Variants in ATG9A observed in about 807,000 individuals in gnomAD.
ATG9A encodes autophagy related 9A.
Under a neutral mutation model 87.1 loss-of-function variants are expected in ATG9A, and 21 were observed. The observed-to-expected ratio is 0.24, with a 90% CI of 0.17 to 0.35. ATG9A has a LOEUF of 0.35. Among genes scored for constraint, ATG9A ranks in the 10% least tolerant of loss-of-function variants. The pLI is 1.00. For missense variants in ATG9A, 836 were observed against 1,107.3 expected, an observed-to-expected ratio of 0.76 and a Z score of 3.48; for synonymous variants, 422 against 441.3, an observed-to-expected ratio of 0.96 and a Z score of 0.55.
chr2:219,228,519 G>C (rs1950917603), intron 1 of ATG9A, 34 bp from the exon 2 acceptor site: 1 of 153,808 alleles, frequency 6.5e-6, no homozygotes, highest in African/African-American at 2.4e-5. Flanking sequence ...CAGAGAGTGG[G>C]CAGTGGGGAT....
Position 219,220,808 on chromosome 2 carries a change from C to T in ATG9A, c.2453G>A (p.Arg818Lys). The T allele has an allele frequency of 6.2e-7, 1 of 1,613,460 alleles. No individual in the cohort carries two copies. The highest frequency in any genetic ancestry group is 8.5e-7 in the Non-Finnish European group (1 of 1,179,998). The change falls in exon 15 of 16, where the codon AGG becomes AAG. Residue 818 changes from arginine to lysine, a missense_variant. Arg to Lys is a conservative substitution (Grantham distance 26). Coordinates refer to ENST00000361242, the MANE Select transcript of ATG9A (RefSeq NM_001077198.3). ...GWAEDGQSAS[R>K]HPEPVPEEGS... ...CTCTTCGGGCACGGGCTCAGGGTGC[C>T]TTGATGCCGACTGCCCATCTTCTGC...
rs905311439 is a variant in ATG9A, at chr2:219,223,367, CG to C, written c.1599+217del. Among the ~76,000 whole-genome samples, 1 of 152,106 alleles carries C rather than the reference CG, an allele frequency of 6.6e-6. No homozygotes were observed. The highest frequency in any genetic ancestry group is 2.4e-5 in the African/African-American group (1 of 41,414). On this transcript the variant is annotated intron_variant, in intron 10 of 15. Coordinates refer to ENST00000361242, the MANE Select transcript of ATG9A (RefSeq NM_001077198.3). The surrounding 1 kb of genome is among the most constrained non-coding windows in gnomAD (Gnocchi z 4.7). ...CCTCCCAAAGTGCTGGGATTACAGA[CG>C]TGAGCCACCGCGCCTGGCCGTGTTG...
rs781330512 is a variant in ATG9A at position 219,222,459 on chromosome 2, G to GA, written c.1849-10dup. The GA allele has an allele frequency of 7.7e-6, 12 of 1,549,522 alleles. No individual in the cohort carries two copies. The highest frequency in any genetic ancestry group is 1.0e-5 in the Non-Finnish European group (12 of 1,149,722). Reference sequence around the variant, plus strand: ...GCGATAAGGCTCAGGGGCTATGAACGAAACGGGTAGGTAGAATTCTTGAGG... The same window carrying GA: ...GCGATAAGGCTCAGGGGCTATGAACGAAAACGGGTAGGTAGAATTCTTGAGG... On this transcript the variant is annotated splice_polypyrimidine_tract_variant and intron_variant, in intron 11 of 15. Transcript: ENST00000361242. The surrounding 1 kb of genome is among the most constrained non-coding windows in gnomAD (Gnocchi z 4.3).
rs1950801906 is a variant in ATG9A, at chr2:219,223,341, G to A, written c.1599+244C>T. Among the ~76,000 whole-genome samples the A allele has an allele frequency of 6.6e-6, 1 of 152,002 alleles. No individual in the cohort carries two copies. Among genetic ancestry groups the A allele is most frequent in the Non-Finnish European group, 1.5e-5 (1 of 67,986 alleles). ...CTGACCTCGTGATCCACCCGCCTTGGCCTCCCAAAGTGCTGGGATTACAGA... is the reference window on the plus strand; with the variant it reads ...CTGACCTCGTGATCCACCCGCCTTGACCTCCCAAAGTGCTGGGATTACAGA... On this transcript the variant is annotated intron_variant, in intron 10 of 15. Coordinates refer to ENST00000361242, the MANE Select transcript of ATG9A (RefSeq NM_001077198.3). This position sits in a 1 kb window ranked among gnomAD's most constrained non-coding sequence, Gnocchi z 4.7.
rs1038954414 is a variant in ATG9A, at chr2:219,224,658, C to A, written c.713G>T (p.Gly238Val). ...LPLRFRLPGLGEAVFFTRGLK... is the reference protein window; with the variant it reads ...LPLRFRLPGLVEAVFFTRGLK... ...ACCACGGGTGAAGAAGACAGCTTCCCCGAGGCCAGGCAGGCGGAAGCGCAG... is the reference window on the plus strand; with the variant it reads ...ACCACGGGTGAAGAAGACAGCTTCCACGAGGCCAGGCAGGCGGAAGCGCAG... The change falls in exon 8 of 16, where the codon GGG (glycine) becomes GTG (valine). Residue 238 changes from glycine (G) to valine (V), a missense_variant. Physicochemically the swap from Gly to Val is moderately radical, Grantham distance 109 (BLOSUM62 -3). Around this residue, in one of 2 missense-constraint regions of ATG9A, gnomAD observed 512 missense variants for 759.6 expected, o/e 0.67. Coordinates refer to ENST00000361242, the MANE Select transcript of ATG9A (RefSeq NM_001077198.3). This position sits in a 1 kb window ranked among gnomAD's most constrained non-coding sequence, Gnocchi z 7.7. The A allele has an allele frequency of 1.9e-6, 3 of 1,614,180 alleles. No homozygotes were observed. Among genetic ancestry groups the A allele is most frequent in the Non-Finnish European group, 2.5e-6 (3 of 1,180,044 alleles).
rs1950753059 is a variant in ATG9A, at chr2:219,221,239, C to T, written c.2209G>A (p.Glu737Lys). 2 of 1,583,140 alleles carry T rather than the reference C, an allele frequency of 1.3e-6. No homozygotes were observed. The highest frequency in any genetic ancestry group is 1.2e-5 in the South Asian group (1 of 86,048). ...TCATCAGGGGCGCTTTCTCCACTCT[C>T]ATCACTCTCCCGGCGGTGCCATACA... ...RHVWHRRESD[E>K]SGESAPDEGG... The change falls in exon 14 of 16, where the codon GAG becomes AAG. Residue 737 changes from glutamate (E) to lysine (K), a missense_variant. By Grantham distance (56) the Glu-to-Lys change is moderately conservative. This residue lies in a region of ATG9A where 324 missense variants were observed against 347.6 expected (regional missense o/e 0.93). Coordinates refer to ENST00000361242, the MANE Select transcript of ATG9A (RefSeq NM_001077198.3).
rs752502068 is a variant in ATG9A, at chr2:219,227,984, G to A, written c.41C>T (p.Ser14Phe). ...CTCCCCTGGGGGTGAATCACTATAG[G>A]AGGCCTCTAGGCGCTGGTATTCAGT... ...FDTEYQRLEA[S>F]YSDSPPGEED... The change falls in exon 3 of 16, where the codon TCC becomes TTC. Residue 14 changes from serine (S) to phenylalanine (F), a missense_variant. Coordinates refer to ENST00000361242, the MANE Select transcript of ATG9A (RefSeq NM_001077198.3). 3 of 1,614,100 alleles carry A rather than the reference G, an allele frequency of 1.9e-6. No homozygotes were observed. Among genetic ancestry groups the A allele is most frequent in the Non-Finnish European group, 2.5e-6 (3 of 1,179,994 alleles).
In ATG9A at chr2:219,224,208, A is replaced by G; in HGVS notation, c.1163T>C (p.Leu388Pro). The change falls in exon 8 of 16, where the codon CTG (leucine) becomes CCG (proline). Residue 388 changes from leucine to proline, a missense_variant. Leu to Pro is a moderately conservative substitution (Grantham distance 98, BLOSUM62 -3). Coordinates refer to ENST00000361242, the MANE Select transcript of ATG9A (RefSeq NM_001077198.3). The surrounding 1 kb of genome is among the most constrained non-coding windows in gnomAD (Gnocchi z 7.7). ...KNGAFFAGSI[L>P]AVLIALTIYD... Reference sequence around the variant, plus strand: ...AATGGTGAGGGCAATAAGCACAGCCAGGATGGAGCCAGCGAAGAAGGCTCC... The same window carrying G: ...AATGGTGAGGGCAATAAGCACAGCCGGGATGGAGCCAGCGAAGAAGGCTCC... 1 of 1,613,854 alleles carries G rather than the reference A, an allele frequency of 6.2e-7. No individual in the cohort carries two copies.
At position 219,222,030 on chromosome 2, in the gene ATG9A, T is replaced by G; in HGVS notation, c.2145+20A>C. The G allele has an allele frequency of 6.2e-7, 1 of 1,606,492 alleles. No individual in the cohort carries two copies. The highest frequency in any genetic ancestry group is 1.3e-5 in the African/African-American group (1 of 74,850). On this transcript the variant is annotated intron_variant, in intron 13 of 15. Transcript: ENST00000361242. This position sits in a 1 kb window ranked among gnomAD's most constrained non-coding sequence, Gnocchi z 4.3. Reference sequence around the variant, plus strand: ...CTCCGCATCTAAACCCTCTACTCTCTTTTTTAGCTGTGCACTCACCTGGTG... The same window carrying G: ...CTCCGCATCTAAACCCTCTACTCTCGTTTTTAGCTGTGCACTCACCTGGTG...
chr2:219,223,624 G>C lies in ATG9A; in HGVS notation c.1560C>G (p.Ser520=), dbSNP rs751781602. The change falls in exon 10 of 16, where the codon TCC becomes TCG. Residue 520 remains serine (S), a synonymous_variant. Transcript: ENST00000361242. This position sits in a 1 kb window ranked among gnomAD's most constrained non-coding sequence, Gnocchi z 4.7. ...GCTGGCGAACATCCATCTGAGCAAA[G>C]GAGCAGGTATCTCCCACACCAACGA... ...VEVVGVGDTC[S]FAQMDVRQHG... 6.2e-7 allele frequency: 1 copy of C among 1,613,338 alleles called. No individual in the cohort carries two copies. Among genetic ancestry groups the C allele is most frequent in the South Asian group, 1.1e-5 (1 of 91,010 alleles).
Position 219,224,754 on chromosome 2 carries a change from A to T in ATG9A, c.617T>A (p.Leu206Gln), listed in dbSNP as rs1219421950. ...ACGGAGGATGCGGTGGTAGATGTCC[A>T]GTTCTGTCAGCTCACGTTTGTGGAT... is the stretch of plus-strand genomic sequence containing the variant. The part of the protein sequence containing the change: ...ICIHKRELTE[L>Q]DIYHRILRFQ... Residue 206 changes from leucine (L) to glutamine (Q), a missense_variant, in exon 8 of 16, where the codon CTG (leucine) becomes CAG (glutamine). Physicochemically the swap from Leu to Gln is moderately radical, Grantham distance 113. This residue lies in a region of ATG9A where 512 missense variants were observed against 759.6 expected (regional missense o/e 0.67). Coordinates refer to ENST00000361242, the MANE Select transcript of ATG9A (RefSeq NM_001077198.3). This position sits in a 1 kb window ranked among gnomAD's most constrained non-coding sequence, Gnocchi z 7.7. 6.2e-6 allele frequency: 10 copies of T among 1,614,076 alleles called. No homozygotes were observed. Among genetic ancestry groups the T allele is most frequent in the Non-Finnish European group, 8.5e-6 (10 of 1,180,038 alleles).
Position 219,228,054 on chromosome 2 carries a change from C to T in ATG9A, c.-29-1G>A. On this transcript the variant is annotated splice_acceptor_variant, in intron 2 of 15. Transcript: ENST00000361242. LOFTEE classifies it low-confidence loss of function (5UTR_SPLICE). ...ACCGCCCCCTGTCCACCTTGACCACCTGCCAATAAGGAGGAAGAAGAGACC... is the reference window on the plus strand; with the variant it reads ...ACCGCCCCCTGTCCACCTTGACCACTTGCCAATAAGGAGGAAGAAGAGACC... 1 of 1,586,062 alleles carries T rather than the reference C, an allele frequency of 6.3e-7. No homozygotes were observed. The highest frequency in any genetic ancestry group is 8.6e-7 in the Non-Finnish European group (1 of 1,157,914).
In ATG9A at chr2:219,222,466, G is replaced by T. The variant is rs767126995; in HGVS notation, c.1849-16C>A. On this transcript the variant is annotated splice_polypyrimidine_tract_variant and intron_variant, in intron 11 of 15. Coordinates refer to ENST00000361242, the MANE Select transcript of ATG9A (RefSeq NM_001077198.3). This position sits in a 1 kb window ranked among gnomAD's most constrained non-coding sequence, Gnocchi z 4.3. ...GGCTCAGGGGCTATGAACGAAACGG[G>T]TAGGTAGAATTCTTGAGGCAAGAGA... is the stretch of plus-strand genomic sequence containing the variant. 141 of 1,546,910 alleles carry T rather than the reference G, an allele frequency of 9.1e-5. No homozygotes were observed. The highest frequency in any genetic ancestry group is 1.1e-4 in the Non-Finnish European group (130 of 1,148,494).
chr2:219,221,389 G>A (rs961115254), intron 13 of ATG9A, 87 bp from the exon 14 acceptor site: 6 of 1,257,026 alleles, frequency 4.8e-6, no homozygotes, highest in South Asian at 1.6e-5. Context: ...GTCAGTTCCC[G>A]CTTTACCCCT....
chr2:219,226,772 T>G, intron 5 of ATG9A, 97 bp downstream of exon 5: 1 of 1,132,046 alleles, frequency 8.8e-7, no homozygotes, highest in Non-Finnish European at 1.3e-6. Flanking sequence ...AGCCTAGGAC[T>G]GAGTTGTACT....
intron 1 of ATG9A, 147 bp from the exon 2 acceptor site, chr2:219,228,632 A>G (rs1395360479): frequency 6.6e-6 from 1 of 152,434 alleles, no homozygotes. Context: ...CCAGCCCAGG[A>G]CTACGAGCAC....
Position 219,224,520 on chromosome 2 carries a change from T to C in ATG9A, c.851A>G (p.Gln284Arg), listed in dbSNP as rs1226395938. ...KRGGQRLELAQRLSNRILWIG... is the reference protein window; with the variant it reads ...KRGGQRLELARRLSNRILWIG... ...CCACAGGATGCGGTTGCTGAGGCGC[T>C]GGGCCAGCTCTAGCCGTTGCCCCCC... The change falls in exon 8 of 16, where the codon CAG becomes CGG. Residue 284 changes from glutamine to arginine, a missense_variant. Gln to Arg is a conservative substitution (Grantham distance 43, BLOSUM62 1). Transcript: ENST00000361242. This position sits in a 1 kb window ranked among gnomAD's most constrained non-coding sequence, Gnocchi z 7.7. The C allele has an allele frequency of 1.3e-5, 21 of 1,613,980 alleles. No homozygotes were observed. Among genetic ancestry groups the C allele is most frequent in the Non-Finnish European group, 1.8e-5 (21 of 1,180,018 alleles).
At position 219,227,812 on chromosome 2, in the gene ATG9A, T is replaced by G; in HGVS notation, c.105A>C (p.Ser35=). The G allele has an allele frequency of 1.2e-6, 2 of 1,614,046 alleles. No homozygotes were observed. The highest frequency in any genetic ancestry group is 1.7e-6 in the Non-Finnish European group (2 of 1,179,974). ...CAAGGTTTTCAATATGGTGCCAAGG[T>G]GCTGTGGGATAGGAACAGAGATGTC... ...LLVHVAEGSK[S]PWHHIENLDL... The change falls in exon 4 of 16, where the codon TCA becomes TCC. Residue 35 remains serine, a splice_region_variant and synonymous_variant. Coordinates refer to ENST00000361242, the MANE Select transcript of ATG9A (RefSeq NM_001077198.3).
Position 219,223,540 on chromosome 2 carries a change from T to C in ATG9A, c.1599+45A>G, listed in dbSNP as rs1559244668. The C allele has an allele frequency of 1.3e-6, 2 of 1,554,312 alleles. No homozygotes were observed. Among genetic ancestry groups the C allele is most frequent in the East Asian group, 4.5e-5 (2 of 44,458 alleles). Reference sequence around the variant, plus strand: ...GCGGTTTTCCCAAAGACACTGTATGTTCCAGCATCATCCCAGGCCACCTGG... The same window carrying C: ...GCGGTTTTCCCAAAGACACTGTATGCTCCAGCATCATCCCAGGCCACCTGG... On this transcript the variant is annotated intron_variant, in intron 10 of 15. Coordinates refer to ENST00000361242, the MANE Select transcript of ATG9A (RefSeq NM_001077198.3). The surrounding 1 kb of genome is among the most constrained non-coding windows in gnomAD (Gnocchi z 4.7).
Sources: gnomAD v4.1 joint callset for allele counts (sites outside exome capture counted in the v4.1 genomes callset) on GRCh38, gnomAD v4.1.1 for gene constraint, gnomAD v4.1.1 regional missense constraint, Gnocchi (gnomAD v3.1) non-coding constraint, MANE v1.5 for transcripts, NCBI Gene and HGNC (gene_info 2026-07-23, HGNC 2026-07-21) for gene names.